The following CDH2 variants were observed in gnomAD, a reference collection of about 807,000 sequenced individuals.
CDH2 encodes cadherin 2, also known as cadherin-2.
Under a neutral mutation model 92.0 loss-of-function variants are expected in CDH2, and 17 were observed. The observed-to-expected ratio is 0.18, with a 90% CI of 0.13 to 0.28. CDH2 has a LOEUF of 0.28. Ranked by LOEUF, CDH2 falls within the 10% of genes least tolerant of loss-of-function variation. The probability of loss-of-function intolerance (pLI) is 1.00; values close to 1 mark genes in which losing one functional copy is unlikely to be tolerated. For missense variants in CDH2, 862 were observed against 1,133.1 expected (o/e 0.76, Z 3.44); for synonymous variants, 419 against 415.9 (o/e 1.01, Z -0.09).
At chr18:28,067,772 T>G (rs1469561262) in intron 2 of CDH2, among the ~76,000 whole-genome samples, 1 of 152,154 alleles carries the variant, frequency 6.6e-6, no homozygotes, top group African/African-American at 2.4e-5. Flanking sequence ...TAATTTACTT[T>G]GTGTTCAAGA....
At position 27,992,769 on chromosome 18, in the gene CDH2, T is replaced by A; in HGVS notation, c.1230A>T (p.Gln410His). 6.2e-7 allele frequency: 1 copy of A among 1,613,894 alleles called. No homozygotes were observed. The highest frequency in any genetic ancestry group is 8.5e-7 in the Non-Finnish European group (1 of 1,179,920). ...CTGCGTTCCAGGCTGGTGTATGGGG[T>A]TGATCCTTATCGGTCACAGTTAGAT... Reference protein sequence around the residue: ...VANLTVTDKDQPHTPAWNAVY... With the variant: ...VANLTVTDKDHPHTPAWNAVY... The change falls in exon 9 of 16, where the codon CAA becomes CAT. Residue 410 changes from glutamine (Q) to histidine (H), a missense_variant. Gln to His is a conservative substitution (Grantham distance 24, BLOSUM62 0). Around this residue, in one of 5 missense-constraint regions of CDH2, gnomAD observed 564 missense variants for 722.2 expected, o/e 0.78. Transcript: ENST00000269141.
At chr18:28,137,544 C>G (rs1209046819) in intron 2 of CDH2, among the ~76,000 whole-genome samples, 1 of 151,810 alleles carries the variant, frequency 6.6e-6, no homozygotes, top group Non-Finnish European at 1.5e-5. Flanking sequence ...CTTGCAGAGA[C>G]ACAGTTCAAA....
At chr18:27,963,735 T>G in intron 14 of CDH2, 1 of 533,626 alleles carries the variant, frequency 1.9e-6, no homozygotes, top group Non-Finnish European at 3.4e-6. Context: ...CTGTGCTCCA[T>G]CTGCTTTACA....
intron 1 of CDH2, among the ~76,000 whole-genome samples, chr18:28,163,528 C>T (rs1348698163): frequency 1.3e-5 from 2 of 152,174 alleles, no homozygotes; most frequent in African/African-American, 4.8e-5. Flanking sequence ...GGGAACACAG[C>T]CCTAGAGTAT....
chr18:28,138,040 ATGTGTG>A (rs748336586), intron 2 of CDH2, among the ~76,000 whole-genome samples: 1 of 150,082 alleles, frequency 6.7e-6, no homozygotes, highest in South Asian at 2.1e-4. Flanking sequence ...GTGTGTCTGG[ATGTGTG>A]TGTGTGTGTG....
At chr18:28,131,279 A>C (rs2015765147) in intron 2 of CDH2, among the ~76,000 whole-genome samples, 1 of 152,202 alleles carries the variant, frequency 6.6e-6, no homozygotes, top group South Asian at 2.1e-4. Flanking sequence ...ACTAAAAAAA[A>C]ATTATCAGAT....
chr18:28,034,545 A>G (rs1241064229), intron 2 of CDH2, among the ~76,000 whole-genome samples: 1 of 152,126 alleles, frequency 6.6e-6, no homozygotes, highest in African/African-American at 2.4e-5. Flanking sequence ...TAAAAATCAT[A>G]GCAATTATTC....
intron 2 of CDH2, among the ~76,000 whole-genome samples, chr18:28,089,766 G>T (rs774788596): frequency 3.3e-5 from 5 of 152,108 alleles, no homozygotes; most frequent in African/African-American, 4.8e-5. Context: ...CTCTTTACCA[G>T]GTCTTATTCC....
intron 9 of CDH2, among the ~76,000 whole-genome samples, chr18:27,992,294 C>T (rs2012440639): frequency 6.6e-6 from 1 of 152,140 alleles, no homozygotes; most frequent in South Asian, 2.1e-4. Context: ...ACTACACTAA[C>T]AGTTAATGTT....
intron 2 of CDH2, among the ~76,000 whole-genome samples, chr18:28,098,892 C>A (rs2015181903): frequency 6.6e-6 from 1 of 151,934 alleles, no homozygotes; most frequent in East Asian, 1.9e-4. Context: ...TTGGGGGTTA[C>A]AAATAAGTCT....
downstream of CDH2, among the ~76,000 whole-genome samples, chr18:27,949,242 A>G (rs1210992710): frequency 6.6e-6 from 1 of 151,994 alleles, no homozygotes; most frequent in African/African-American, 2.4e-5. Context: ...GGCTTTTAGA[A>G]AGCCTTGTCT....
intron 2 of CDH2, among the ~76,000 whole-genome samples, chr18:28,124,291 C>T (rs1025478188): frequency 3.3e-5 from 5 of 152,046 alleles, no homozygotes; most frequent in African/African-American, 1.2e-4. Flanking sequence ...TTTAGTCAAA[C>T]TCAATTCTCA....
chr18:28,039,631 A>C (rs2013909701), intron 2 of CDH2, among the ~76,000 whole-genome samples: 1 of 152,166 alleles, frequency 6.6e-6, no homozygotes, highest in Admixed American at 6.6e-5. Flanking sequence ...ATGGGTTGTT[A>C]TAATTACCTA....
chr18:28,094,636 C>T (rs984600662), intron 2 of CDH2, among the ~76,000 whole-genome samples: 8 of 151,028 alleles, frequency 5.3e-5, no homozygotes, highest in African/African-American at 1.9e-4. Context: ...CTACTAAAAA[C>T]ACAAAAAATT....
At chr18:28,106,244 CTG>C (rs61331543) in intron 2 of CDH2, among the ~76,000 whole-genome samples, 33,836 of 151,906 alleles carry the variant, frequency 0.22, 3,942 homozygotes, top group Middle Eastern at 0.35. Context: ...TGGCAAAAAC[CTG>C]TCTTTCCTAA....
intron 2 of CDH2, among the ~76,000 whole-genome samples, chr18:28,057,606 G>A (rs1481429825): frequency 6.6e-6 from 1 of 151,742 alleles, no homozygotes; most frequent in Non-Finnish European, 1.5e-5. Flanking sequence ...GGCGGCAGTT[G>A]CAGTGAGCCA....
Position 27,999,698 on chromosome 18 carries a change from ATATATATG to A in CDH2, c.1020+3291_1020+3298del, listed in dbSNP as rs576771529. 7.3e-5 allele frequency among the ~76,000 whole-genome samples: 11 copies of A among 151,204 alleles called. No individual in the cohort carries two copies. In the East Asian group the frequency reaches 1.4e-3, roughly 19 times the overall value. ...TACATATATATATGTGTGTGTGTGT[ATATATATG>A]TATATATGTGTGTGTGTTTGTGTAT... On this transcript the variant is annotated intron_variant, in intron 7 of 15. Coordinates refer to ENST00000269141, the MANE Select transcript of CDH2 (RefSeq NM_001792.5).
intron 5 of CDH2, among the ~76,000 whole-genome samples, chr18:28,007,165 A>AAAAAATATATATATAT (rs1172779200): frequency 1.8e-5 from 2 of 110,502 alleles, no homozygotes; most frequent in African/African-American, 4.4e-5. Flanking sequence ...ATAAAAAAAA[A>AAAAAATATATATATAT]ATATATATAT....
At chr18:28,099,894 A>G (rs1328542474) in intron 2 of CDH2, among the ~76,000 whole-genome samples, 1 of 152,186 alleles carries the variant, frequency 6.6e-6, no homozygotes, top group African/African-American at 2.4e-5. Flanking sequence ...AAATATTACT[A>G]TATTTCAGAC....
Sources: gnomAD v4.1 joint callset for allele counts (sites outside exome capture counted in the v4.1 genomes callset) on GRCh38, gnomAD v4.1.1 for gene constraint, gnomAD v4.1.1 regional missense constraint, MANE v1.5 for transcripts, NCBI Gene and HGNC (gene_info 2026-07-23, HGNC 2026-07-21) for gene names.